The following TOGARAM1 variants were observed in gnomAD, a reference collection of about 807,000 sequenced individuals.
The protein encoded by TOGARAM1 is TOG array regulator of axonemal microtubules protein 1.
A neutral mutation model predicts 166.6 loss-of-function variants in TOGARAM1; 100 were observed. The ratio of observed to expected loss-of-function variants is 0.60; its 90% CI spans 0.51 to 0.71. The LOEUF (loss-of-function observed/expected upper bound fraction) is 0.71, where lower values mean the gene tolerates loss of function less well. Among genes scored for constraint, TOGARAM1 ranks in the 30% least tolerant of loss-of-function variants. The pLI is 0.00. For missense variants in TOGARAM1, 2,029 were observed against 2,102.7 expected (o/e 0.96, Z 0.69); for synonymous variants, 758 against 763.8 (o/e 0.99, Z 0.13).
chr14:45,052,523 G>A lies in TOGARAM1; in HGVS notation c.4401G>A (p.Leu1467=). The A allele has an allele frequency of 6.2e-7, 1 of 1,612,020 alleles. No homozygotes were observed. The highest frequency in any genetic ancestry group is 1.1e-5 in the South Asian group (1 of 90,826). The part of the protein sequence containing the change: ...MLEKYVPSKD[L]PYIKDSVRNL... ...AAAAGTATGTCCCATCTAAAGATTT[G>A]CCATATATTAAGGACTCTGTTAGAA... Residue 1467 remains leucine (L), a synonymous_variant, in exon 15 of 20, where the codon TTG becomes TTA. Transcript: ENST00000361462.
intron 1 of TOGARAM1, among the ~76,000 whole-genome samples, chr14:44,965,697 C>T (rs1231296150): frequency 2.0e-5 from 3 of 151,942 alleles, no homozygotes; most frequent in African/African-American, 4.8e-5. Flanking sequence ...GTGGTAATAG[C>T]CAGATCTCTC....
At chr14:44,976,481 A>G (rs1277532080) in intron 1 of TOGARAM1, among the ~76,000 whole-genome samples, 2 of 152,210 alleles carry the variant, frequency 1.3e-5, no homozygotes, top group Non-Finnish European at 2.9e-5. Flanking sequence ...ATTTCCCACT[A>G]TACTCTGAGC....
intron 13 of TOGARAM1, 152 bp downstream of exon 13, chr14:45,045,022 C>T (rs1033279057): frequency 2.2e-5 from 11 of 505,528 alleles, no homozygotes; most frequent in Middle Eastern, 4.8e-4. Flanking sequence ...TACTACATGC[C>T]GAATATGAAA....
At chr14:45,032,143 C>A in intron 10 of TOGARAM1, 80 bp from the exon 11 acceptor site, 1 of 1,288,300 alleles carries the variant, frequency 7.8e-7, no homozygotes, top group Non-Finnish European at 1.1e-6. Flanking sequence ...CTGGGCAACA[C>A]AGCGAGACTC....
Position 44,984,652 on chromosome 14 carries a change from G to C in TOGARAM1, c.2047-11094G>C, listed in dbSNP as rs148541084. 6.1e-3 allele frequency among the ~76,000 whole-genome samples: 927 copies of C among 151,804 alleles called. 6 individuals carry two copies. The highest frequency in any genetic ancestry group is 0.014 in the Middle Eastern group (4 of 292). On this transcript the variant is annotated intron_variant, in intron 1 of 19. Coordinates refer to ENST00000361462, the MANE Select transcript of TOGARAM1 (RefSeq NM_001308120.2). Reference sequence around the variant, plus strand: ...TAGCTGGGCGTGGTAGTGAGTGCCTGTAGTCCCAGCTGCTTGGGAAGCTGA... The same window carrying C: ...TAGCTGGGCGTGGTAGTGAGTGCCTCTAGTCCCAGCTGCTTGGGAAGCTGA...
At chr14:45,011,646 ATT>A (rs537395857) in intron 6 of TOGARAM1, among the ~76,000 whole-genome samples, 2 of 144,948 alleles carry the variant, frequency 1.4e-5, no homozygotes. Context: ...TTCTTGGATC[ATT>A]TTTTTTTTTC....
intron 1 of TOGARAM1, among the ~76,000 whole-genome samples, chr14:44,985,451 T>A (rs1449423161): frequency 1.3e-5 from 2 of 152,158 alleles, no homozygotes; most frequent in African/African-American, 4.8e-5. Flanking sequence ...TTCCATAGAC[T>A]AGGGGGTGGG....
At chr14:45,001,011 G>A (rs1243746940) in intron 3 of TOGARAM1, among the ~76,000 whole-genome samples, 1 of 152,168 alleles carries the variant, frequency 6.6e-6, no homozygotes, top group African/African-American at 2.4e-5. Context: ...GATTACAGGT[G>A]CAAGCCACCA....
At chr14:45,048,577 A>G (rs1398111646) in intron 14 of TOGARAM1, among the ~76,000 whole-genome samples, 2 of 152,148 alleles carry the variant, frequency 1.3e-5, no homozygotes, top group Admixed American at 6.5e-5. Flanking sequence ...TCTTTAGGTC[A>G]GAAGTCTGGC....
chr14:45,011,805 G>A (rs1270924891), intron 6 of TOGARAM1, 170 bp from the exon 7 acceptor site: 1 of 519,728 alleles, frequency 1.9e-6, no homozygotes, highest in Admixed American at 3.7e-5. Flanking sequence ...GTGTGTGTGT[G>A]TGTGTGTATA....
At chr14:45,042,091 C>T (rs1881756877) in intron 11 of TOGARAM1, 1 of 152,246 alleles carries the variant, frequency 6.6e-6, no homozygotes, top group Admixed American at 6.5e-5. Context: ...CTTATATTTT[C>T]AGAACATATC....
At chr14:45,054,933 G>T (rs1041556094) in intron 16 of TOGARAM1, among the ~76,000 whole-genome samples, 1 of 152,154 alleles carries the variant, frequency 6.6e-6, no homozygotes, top group African/African-American at 2.4e-5. Flanking sequence ...GGATTTGGAA[G>T]GCCAGAAGTG....
chr14:45,008,886 A>AATATAAGGAATATATGTTATATAAGG, intron 5 of TOGARAM1, 27 bp from the exon 6 acceptor site: 4 of 1,552,788 alleles, frequency 2.6e-6, no homozygotes, highest in Non-Finnish European at 3.5e-6. Context: ...TTATGTTATA[A>AATATAAGGAATATATGTTATATAAGG]AGTTTATTGT....
chr14:45,072,541 C>T (rs374351200), intron 19 of TOGARAM1, among the ~76,000 whole-genome samples: 7 of 152,056 alleles, frequency 4.6e-5, no homozygotes, highest in African/African-American at 1.4e-4. Context: ...ATTCCTGCCT[C>T]AGCCTCCTGA....
chr14:45,044,734 A>G lies in TOGARAM1; in HGVS notation c.4018A>G (p.Thr1340Ala), dbSNP rs1366126103. 1.2e-6 allele frequency: 2 copies of G among 1,614,062 alleles called. No homozygotes were observed. The highest frequency in any genetic ancestry group is 8.5e-7 in the Non-Finnish European group (1 of 1,179,958). Residue 1340 changes from threonine to alanine, a missense_variant, in exon 13 of 20, where the codon ACA (threonine) becomes GCA (alanine). Coordinates refer to ENST00000361462, the MANE Select transcript of TOGARAM1 (RefSeq NM_001308120.2). ...KKSMDQELDTTVKVLLHKAGE... is the reference protein window; with the variant it reads ...KKSMDQELDTAVKVLLHKAGE... Reference sequence around the variant, plus strand: ...GAGCATGGATCAAGAGCTAGATACCACAGTAAAAGTTTTGTTGCACAAGGC... The same window carrying G: ...GAGCATGGATCAAGAGCTAGATACCGCAGTAAAAGTTTTGTTGCACAAGGC...
At chr14:45,045,581 ATATGTGTGTGTG>A (rs1393037439) in intron 13 of TOGARAM1, among the ~76,000 whole-genome samples, 5 of 33,158 alleles carry the variant, frequency 1.5e-4, no homozygotes, top group African/African-American at 9.6e-4. Flanking sequence ...ATATATATAT[ATATGTGTGTGTG>A]TGTGTGTGTG....
Position 44,962,431 on chromosome 14 carries a change from GC to G in TOGARAM1, c.15del (p.Ser6ProfsTer37). On this transcript the variant is annotated frameshift_variant, in exon 1 of 20. Coordinates refer to ENST00000361462, the MANE Select transcript of TOGARAM1 (RefSeq NM_001308120.2). LOFTEE classifies it high-confidence loss of function. Reference sequence around the variant, plus strand: ...CACCTGACAACCCTGCATGGCGGCTGCCCCCTCCGCGCTGCTTCTGCTGCCG... The same window carrying G: ...CACCTGACAACCCTGCATGGCGGCTGCCCCTCCGCGCTGCTTCTGCTGCCG... The part of the protein sequence containing the change: MAA[A>X]PSALLLLPPF... 2 of 1,561,154 alleles carry G rather than the reference GC, an allele frequency of 1.3e-6. No homozygotes were observed. The highest frequency in any genetic ancestry group is 8.7e-7 in the Non-Finnish European group (1 of 1,155,510).
chr14:45,052,634 G>GAAATAATCAAAT, intron 15 of TOGARAM1, 72 bp downstream of exon 15: 3 of 1,340,042 alleles, frequency 2.2e-6, no homozygotes, highest in Admixed American at 2.3e-5. Context: ...GTAAAGGATA[G>GAAATAATCAAAT]GAATAATTAT....
At position 45,068,803 on chromosome 14, in the gene TOGARAM1, T is replaced by C. The variant is rs372167155; in HGVS notation, c.4969+160T>C. On this transcript the variant is annotated intron_variant, in intron 18 of 19. Coordinates refer to ENST00000361462, the MANE Select transcript of TOGARAM1 (RefSeq NM_001308120.2). ...TATTCTCAATGGTTTTAAAATTATT[T>C]TTAGTGATTAAATTCTGTCCCATTA... Among the ~76,000 whole-genome samples, 16 of 152,278 alleles carry C rather than the reference T, an allele frequency of 1.1e-4. No homozygotes were observed. The East Asian group carries it at 1.7e-3, about 17-fold the overall frequency.
Sources: allele counts gnomAD v4.1 joint callset (sites outside exome capture counted in the v4.1 genomes callset), GRCh38; gene constraint gnomAD v4.1.1; transcripts MANE v1.5; gene names NCBI Gene and HGNC (gene_info 2026-07-23, HGNC 2026-07-21).